Variants in PTPN4 observed in about 807,000 individuals in gnomAD.
The protein encoded by PTPN4 is tyrosine-protein phosphatase non-receptor type 4.
In PTPN4, 49 loss-of-function variants were observed where a neutral mutation model predicts 135.5. The ratio of observed to expected loss-of-function variants is 0.36; its 90% confidence interval spans 0.29 to 0.46. PTPN4 has a LOEUF of 0.46. Among genes scored for constraint, PTPN4 ranks in the 20% least tolerant of loss-of-function variants. The probability of loss-of-function intolerance (pLI) is 1.00; values close to 1 mark genes in which losing one functional copy is unlikely to be tolerated. For synonymous variants in PTPN4, 333 were observed against 369.9 expected (o/e 0.90, Z 1.14); for missense variants, 860 against 1,101.0 (o/e 0.78, Z 3.10).
rs563238334 is a variant in PTPN4, at chr2:119,963,804, CAAAT to C, written c.2409+1062_2409+1065del. Among the ~76,000 whole-genome samples, 377 of 152,188 alleles carry C rather than the reference CAAAT, an allele frequency of 2.5e-3. 2 individuals are homozygous for C. The highest frequency in any genetic ancestry group is 4.4e-3 in the Non-Finnish European group (298 of 68,016). ...CCAATATGATATTTCTTCATTTTCT[CAAAT>C]AGATAATGAAAGATAGGCTACGTAT... On this transcript the variant is annotated intron_variant, in intron 24 of 26. Transcript: ENST00000263708.
At chr2:119,824,219 T>C (rs1481748278) in intron 2 of PTPN4, among the ~76,000 whole-genome samples, 1 of 152,254 alleles carries the variant, frequency 6.6e-6, no homozygotes, top group Non-Finnish European at 1.5e-5. Context: ...AGGGCCAGAA[T>C]ATGACATATC....
At chr2:119,829,065 A>G (rs1677184509) in intron 2 of PTPN4, among the ~76,000 whole-genome samples, 1 of 152,128 alleles carries the variant, frequency 6.6e-6, no homozygotes, top group African/African-American at 2.4e-5. Flanking sequence ...TTCTTCCCAT[A>G]TATTTGTTGA....
At position 119,967,985 on chromosome 2, in the gene PTPN4, C is replaced by CT; in HGVS notation, c.2694+16dup. The CT allele has an allele frequency of 6.4e-7, 1 of 1,554,180 alleles. No homozygotes were observed. The highest frequency in any genetic ancestry group is 8.8e-7 in the Non-Finnish European group (1 of 1,141,220). ...GATCCAAACACCTGTGAGTACTGTACTTTATATACAAGTGTATATTCTTAA... is the reference window on the plus strand; with the variant it reads ...GATCCAAACACCTGTGAGTACTGTACTTTTATATACAAGTGTATATTCTTAA... On this transcript the variant is annotated intron_variant, in intron 26 of 26. Transcript: ENST00000263708.
chr2:119,928,811 G>T (rs181795254), intron 13 of PTPN4, among the ~76,000 whole-genome samples: 7 of 151,920 alleles, frequency 4.6e-5, no homozygotes, highest in Non-Finnish European at 1.0e-4. Flanking sequence ...GTGCGATGTG[G>T]TCACTAGTTG....
chr2:119,923,027 G>A (rs1288405654), intron 12 of PTPN4, among the ~76,000 whole-genome samples: 1 of 152,070 alleles, frequency 6.6e-6, no homozygotes, highest in African/African-American at 2.4e-5. Context: ...TTGGTAACTT[G>A]TGTCTTCTTT....
At chr2:119,912,442 A>G (rs894231921) in intron 10 of PTPN4, among the ~76,000 whole-genome samples, 1 of 152,228 alleles carries the variant, frequency 6.6e-6, no homozygotes, top group African/African-American at 2.4e-5. Flanking sequence ...TGTCAGTTAT[A>G]CATAATAAAA....
At chr2:119,969,157 A>G (rs1679490223) in intron 26 of PTPN4, among the ~76,000 whole-genome samples, 1 of 152,018 alleles carries the variant, frequency 6.6e-6, no homozygotes, top group Non-Finnish European at 1.5e-5. Context: ...GACTACAGGC[A>G]TGAGCCACCA....
chr2:119,869,338 T>C (rs1054294839), intron 3 of PTPN4, among the ~76,000 whole-genome samples: 1 of 152,198 alleles, frequency 6.6e-6, no homozygotes, highest in Non-Finnish European at 1.5e-5. Context: ...TTGTCACAAT[T>C]TAAACTGCAT....
intron 2 of PTPN4, among the ~76,000 whole-genome samples, chr2:119,860,341 T>G (rs548344304): frequency 1.3e-5 from 2 of 152,186 alleles, no homozygotes; most frequent in African/African-American, 4.8e-5. Context: ...TTCTGGCCAA[T>G]AAGAGTCTTT....
rs991575343 is a variant in PTPN4, at chr2:119,802,658, G to C, written c.-17-7179G>C. On this transcript the variant is annotated intron_variant, in intron 1 of 26. Transcript: ENST00000263708. ...AGGGTTTTTGTGTCTGTATTCATGA[G>C]GAATATTGGTTTGTAGTTTTCTTTA... Among the ~76,000 whole-genome samples, 10 of 152,172 alleles carry C rather than the reference G, an allele frequency of 6.6e-5. No homozygotes were observed. The East Asian group carries it at 1.9e-3, about 29-fold the overall frequency.
Position 119,791,774 on chromosome 2 carries a change from G to A in PTPN4, c.-17-18063G>A, listed in dbSNP as rs75151125. Among the ~76,000 whole-genome samples, 120 of 152,226 alleles carry A rather than the reference G, an allele frequency of 7.9e-4. No homozygotes were observed. In the East Asian group the frequency reaches 0.015, roughly 20 times the overall value. The stretch of plus-strand genomic sequence containing the variant: ...TATGTTTAGGTATAAATCTCTTTGA[G>A]TTTATCCTAATTGGAGGTCATTAAG... On this transcript the variant is annotated intron_variant, in intron 1 of 26. Transcript: ENST00000263708.
At chr2:119,772,450 C>A (rs774398904) in intron 1 of PTPN4, among the ~76,000 whole-genome samples, 6 of 152,200 alleles carry the variant, frequency 3.9e-5, no homozygotes, top group Non-Finnish European at 8.8e-5. Context: ...AATTTGGCAA[C>A]CAAACTTGAC....
At chr2:119,804,642 G>A (rs1200976242) in intron 1 of PTPN4, among the ~76,000 whole-genome samples, 3 of 152,156 alleles carry the variant, frequency 2.0e-5, no homozygotes, top group Non-Finnish European at 4.4e-5. Flanking sequence ...GTATTCCATG[G>A]TGTATATGTG....
chr2:119,907,035 C>G (rs141057556), intron 10 of PTPN4, among the ~76,000 whole-genome samples: 3 of 152,204 alleles, frequency 2.0e-5, no homozygotes, highest in African/African-American at 4.8e-5. Flanking sequence ...GAAAAGAAAT[C>G]AAGAACGCAA....
intron 1 of PTPN4, among the ~76,000 whole-genome samples, chr2:119,766,491 T>C (rs1228206678): frequency 1.9e-4 from 27 of 142,204 alleles, no homozygotes; most frequent in African/African-American, 5.1e-4. Flanking sequence ...TGTCTGTGTG[T>C]GTGTGTGTGT....
chr2:119,926,764 T>C, intron 13 of PTPN4, 98 bp downstream of exon 13: 2 of 900,584 alleles, frequency 2.2e-6, no homozygotes, highest in Non-Finnish European at 1.7e-6. Context: ...TTTTTCTAAA[T>C]ATTTCAAATT....
intron 19 of PTPN4, 88 bp downstream of exon 19, chr2:119,952,217 A>AT (rs1679220895): frequency 7.9e-7 from 1 of 1,271,350 alleles, no homozygotes; most frequent in East Asian, 2.6e-5. Flanking sequence ...GACATAAAAC[A>AT]TAAGTCACCT....
intron 1 of PTPN4, among the ~76,000 whole-genome samples, chr2:119,778,298 T>C (rs1690875817): frequency 1.3e-5 from 2 of 152,184 alleles, no homozygotes; most frequent in Admixed American, 1.3e-4. Flanking sequence ...ACTTAGGTAA[T>C]GAACTGTAGA....
At chr2:119,949,339 GT>G (rs1336493355) in intron 18 of PTPN4, among the ~76,000 whole-genome samples, 1 of 152,136 alleles carries the variant, frequency 6.6e-6, no homozygotes, top group African/African-American at 2.4e-5. Flanking sequence ...GGAAACCACA[GT>G]TTAGGCAATC....
Sources: allele counts gnomAD v4.1 joint callset (sites outside exome capture counted in the v4.1 genomes callset), GRCh38; gene constraint gnomAD v4.1.1; transcripts MANE v1.5; gene names NCBI Gene and HGNC (gene_info 2026-07-23, HGNC 2026-07-21).